ASXL2: variants seen among roughly 807,000 people sequenced by gnomAD.
The protein encoded by ASXL2 is ASXL transcriptional regulator 2.
ASXL2 carries 23 observed loss-of-function variants against 122.0 expected under a neutral mutation model. That is an observed-to-expected ratio of 0.19 (90% CI 0.14 to 0.27). The LOEUF (loss-of-function observed/expected upper bound fraction) is 0.27. Among genes scored for constraint, ASXL2 ranks in the 10% least tolerant of loss-of-function variants. The pLI is 1.00. For synonymous variants in ASXL2, 650 were observed against 637.0 expected, an observed-to-expected ratio of 1.02 and a Z score of -0.31; for missense variants, 1,518 against 1,713.8, an observed-to-expected ratio of 0.89 and a Z score of 2.02.
chr2:25,865,507 C>T (rs1423791360), intron 1 of ASXL2, among the ~76,000 whole-genome samples: 1 of 151,542 alleles, frequency 6.6e-6, no homozygotes, highest in Non-Finnish European at 1.5e-5. Flanking sequence ...GTGGCTCACG[C>T]CTGTAATCCC....
At chr2:25,805,028 C>A (rs2089061015) in intron 4 of ASXL2, among the ~76,000 whole-genome samples, 1 of 152,010 alleles carries the variant, frequency 6.6e-6, no homozygotes, top group South Asian at 2.1e-4. Context: ...CCAGCCTGGG[C>A]AACAGAGCGA....
intron 5 of ASXL2, among the ~76,000 whole-genome samples, chr2:25,790,588 G>A (rs1344287511): frequency 2.0e-5 from 3 of 151,724 alleles, no homozygotes; most frequent in Admixed American, 6.6e-5. Flanking sequence ...ACCAATTAAC[G>A]TCATCCTACA....
chr2:25,861,546 A>G (rs891735051), intron 1 of ASXL2, among the ~76,000 whole-genome samples: 8 of 152,244 alleles, frequency 5.3e-5, no homozygotes, highest in Non-Finnish European at 1.0e-4. Context: ...TTAAAGAACT[A>G]TATCAATTCT....
At chr2:25,768,630 G>T in intron 7 of ASXL2, 112 bp downstream of exon 7, 1 of 1,188,516 alleles carries the variant, frequency 8.4e-7, no homozygotes, top group Non-Finnish European at 1.2e-6. Context: ...TACAAGGATT[G>T]TGTAAGTAAA....
intron 9 of ASXL2, 127 bp downstream of exon 9, chr2:25,759,355 T>C: frequency 9.5e-7 from 1 of 1,051,636 alleles, no homozygotes; most frequent in Non-Finnish European, 1.3e-6. Flanking sequence ...TCCTAAGCCT[T>C]AAAAAAACCT....
Position 25,799,441 on chromosome 2 carries a change from C to T in ASXL2, c.347G>A (p.Ser116Asn). ...SDSQSSENSS[S>N]SSDGGSNKEG... ...CTTGTTGCTGCCACCATCACTGCTGCTGCTGCTGTTCTCAGAACTCTGGGA... is the reference window on the plus strand; with the variant it reads ...CTTGTTGCTGCCACCATCACTGCTGTTGCTGCTGTTCTCAGAACTCTGGGA... The change falls in exon 5 of 13, where the codon AGC (serine) becomes AAC (asparagine). Residue 116 changes from serine to asparagine, a missense_variant. By Grantham distance (46) the Ser-to-Asn change is conservative. Around this residue, in one of 8 missense-constraint regions of ASXL2, gnomAD observed 198 missense variants for 209.0 expected, o/e 0.95. Coordinates refer to ENST00000435504, the MANE Select transcript of ASXL2 (RefSeq NM_018263.6). 3.7e-6 allele frequency: 6 copies of T among 1,613,992 alleles called. No individual in the cohort carries two copies. Among genetic ancestry groups the T allele is most frequent in the Admixed American group, 3.3e-5 (2 of 60,020 alleles).
At chr2:25,856,363 C>CTTTTTT (rs70950127) in intron 1 of ASXL2, 14,978 of 234,298 alleles carry the variant, frequency 0.064, 2,676 homozygotes, top group African/African-American at 0.15. Flanking sequence ...CTGGCCTATA[C>CTTTTTT]TTTTTTTTTT....
intron 4 of ASXL2, among the ~76,000 whole-genome samples, chr2:25,804,365 T>C (rs535456377): frequency 2.0e-4 from 30 of 152,354 alleles, no homozygotes; most frequent in African/African-American, 7.2e-4. Flanking sequence ...CAACCACATC[T>C]ACAACTGGCC....
At chr2:25,844,180 C>A (rs2089622137) in intron 2 of ASXL2, among the ~76,000 whole-genome samples, 1 of 152,116 alleles carries the variant, frequency 6.6e-6, no homozygotes, top group African/African-American at 2.4e-5. Context: ...CAAACTTTTC[C>A]TATCTTAATG....
At chr2:25,787,731 T>C (rs1025461651) in intron 5 of ASXL2, among the ~76,000 whole-genome samples, 17 of 152,118 alleles carry the variant, frequency 1.1e-4, no homozygotes, top group African/African-American at 4.1e-4. Flanking sequence ...TCCATAGCAT[T>C]AATGAACAAA....
rs566554410 is a variant in ASXL2, at chr2:25,740,872, G to A, written c.*1157C>T. ...GTAAAGTAAGATATAATAAGATGATGTCATCCTGTTCAGATGCCTGGGAGG... is the reference window on the plus strand; with the variant it reads ...GTAAAGTAAGATATAATAAGATGATATCATCCTGTTCAGATGCCTGGGAGG... On this transcript the variant is annotated 3_prime_UTR_variant, in exon 13 of 13. Transcript: ENST00000435504. 5.3e-6 allele frequency: 1 copy of A among 188,706 alleles called. No homozygotes were observed. The highest frequency in any genetic ancestry group is 1.1e-5 in the Non-Finnish European group (1 of 89,560). The allele number at this position is 188,706 out of a possible 1,614,324, so 11.7% of individuals were successfully genotyped here. A position where few individuals can be genotyped will look rare whatever the true frequency, so the allele number is the denominator to read the frequency against.
At chr2:25,829,854 G>C (rs531768231) in intron 3 of ASXL2, among the ~76,000 whole-genome samples, 1 of 152,302 alleles carries the variant, frequency 6.6e-6, no homozygotes, top group East Asian at 1.9e-4. Context: ...GTCCTTGTGG[G>C]CCTGAGACTA....
intron 8 of ASXL2, among the ~76,000 whole-genome samples, chr2:25,767,289 A>T (rs1236071007): frequency 2.6e-5 from 4 of 152,226 alleles, no homozygotes; most frequent in Non-Finnish European, 5.9e-5. Flanking sequence ...CTGATAATAG[A>T]TCTTTCTCTG....
chr2:25,750,286 G>A lies in ASXL2; in HGVS notation c.1270C>T (p.Pro424Ser). 1.2e-6 allele frequency: 2 copies of A among 1,613,978 alleles called. No individual in the cohort carries two copies. The highest frequency in any genetic ancestry group is 1.7e-6 in the Non-Finnish European group (2 of 1,179,890). Residue 424 changes from proline to serine, a missense_variant, in exon 12 of 13, where the codon CCA becomes TCA. Coordinates refer to ENST00000435504, the MANE Select transcript of ASXL2 (RefSeq NM_018263.6). The part of the protein sequence containing the change: ...VSEASLIRIV[P>S]VVSQSECKEE... ...TTACACTCTGACTGGGAGACTACTG[G>A]AACTATTCTGATAAGAGAGGCCTCT...
At chr2:25,759,188 C>T (rs974853576) in intron 9 of ASXL2, among the ~76,000 whole-genome samples, 4 of 152,172 alleles carry the variant, frequency 2.6e-5, no homozygotes, top group African/African-American at 9.7e-5. Context: ...CTCCTGACCT[C>T]AGGTGATCTG....
chr2:25,809,470 GGGCTCTGTTT>G (rs1238921461), intron 3 of ASXL2, among the ~76,000 whole-genome samples: 1 of 152,010 alleles, frequency 6.6e-6, no homozygotes, highest in Non-Finnish European at 1.5e-5. Context: ...TTCTTTCCCT[GGGCTCTGTTT>G]GGCTCTCAGT....
intron 6 of ASXL2, among the ~76,000 whole-genome samples, chr2:25,770,479 G>A (rs1015629207): frequency 2.0e-5 from 3 of 152,202 alleles, no homozygotes; most frequent in South Asian, 2.1e-4. Context: ...TCTAGGCCAG[G>A]TGCGGTGGCT....
At chr2:25,791,539 A>T (rs1253469137) in intron 5 of ASXL2, among the ~76,000 whole-genome samples, 1 of 151,640 alleles carries the variant, frequency 6.6e-6, no homozygotes, top group African/African-American at 2.4e-5. Context: ...AAATAATAAG[A>T]CTATCACTAA....
intron 5 of ASXL2, among the ~76,000 whole-genome samples, chr2:25,797,597 C>T (rs7563012): frequency 0.38 from 58,514 of 152,016 alleles, 13,010 homozygotes; most frequent in Non-Finnish European, 0.51. Flanking sequence ...AGACATCTCA[C>T]GAAAGAAGAT....
Sources: allele counts gnomAD v4.1 joint callset (sites outside exome capture counted in the v4.1 genomes callset), GRCh38; gene constraint gnomAD v4.1.1; regional missense constraint gnomAD v4.1.1; transcripts MANE v1.5; gene names NCBI Gene and HGNC (gene_info 2026-07-23, HGNC 2026-07-21).